Variants in RGS6 observed in about 807,000 individuals in gnomAD.
RGS6 encodes the protein regulator of G-protein signaling 6.
In RGS6, 30 loss-of-function variants were observed where a neutral mutation model predicts 78.5. That is an observed-to-expected ratio of 0.38 (90% confidence interval 0.29 to 0.52). RGS6 has a LOEUF of 0.52. Ranked by LOEUF, RGS6 falls within the 20% of genes least tolerant of loss-of-function variation. The pLI, the probability that RGS6 is intolerant of heterozygous loss-of-function variation, is 0.85. For synonymous variants in RGS6, 206 were observed against 206.0 expected (o/e 1.00, Z 0.00); for missense variants, 495 against 609.7 (o/e 0.81, Z 1.98).
At chr14:72,498,931 G>C (rs777326627) in intron 13 of RGS6, among the ~76,000 whole-genome samples, 37 of 152,214 alleles carry the variant, frequency 2.4e-4, no homozygotes, top group Middle Eastern at 3.4e-3. Context: ...TTCCCCTCTG[G>C]GTCCCGGGTA....
At chr14:72,442,027 A>ATGTTT (rs1342846958) in intron 3 of RGS6, among the ~76,000 whole-genome samples, 1 of 152,164 alleles carries the variant, frequency 6.6e-6, no homozygotes, top group African/African-American at 2.4e-5. Context: ...ATGGAGGGAA[A>ATGTTT]TGTTTGCATC....
At chr14:72,359,358 A>G (rs1426950646) in intron 3 of RGS6, among the ~76,000 whole-genome samples, 4 of 152,018 alleles carry the variant, frequency 2.6e-5, no homozygotes, top group African/African-American at 9.7e-5. Flanking sequence ...AATGAGGAAT[A>G]CTATAATAGG....
At chr14:72,550,707 G>GT in intron 17 of RGS6, 6 of 1,374,250 alleles carry the variant, frequency 4.4e-6, no homozygotes, top group Non-Finnish European at 5.8e-6. Context: ...CAATCCGGTG[G>GT]TTTTACACCT....
intron 3 of RGS6, among the ~76,000 whole-genome samples, chr14:72,369,064 A>C (rs764751177): frequency 8.6e-5 from 13 of 151,636 alleles, no homozygotes; most frequent in South Asian, 2.1e-4. Flanking sequence ...CACACACACA[A>C]AAATCTCATA....
chr14:72,111,356 T>G (rs1453364869), intron 2 of RGS6, among the ~76,000 whole-genome samples: 1 of 152,080 alleles, frequency 6.6e-6, no homozygotes, highest in Non-Finnish European at 1.5e-5. Flanking sequence ...AGAAACAAAT[T>G]TAACTGGTGA....
chr14:72,006,859 G>A (rs1012820805), intron 2 of RGS6, among the ~76,000 whole-genome samples: 10 of 152,228 alleles, frequency 6.6e-5, no homozygotes, highest in Non-Finnish European at 1.0e-4. Context: ...GCAGCGGGCT[G>A]TGGAAAAGCT....
the RGS6 span, among the ~76,000 whole-genome samples, chr14:71,886,718 T>C: frequency 1.3e-5 from 2 of 152,238 alleles, no homozygotes; most frequent in Non-Finnish European, 2.9e-5. Context: ...AATTTAGGTA[T>C]AACTTGAAGG....
chr14:72,054,242 T>G (rs2093492835), intron 2 of RGS6, among the ~76,000 whole-genome samples: 1 of 147,648 alleles, frequency 6.8e-6, no homozygotes, highest in Non-Finnish European at 1.5e-5. Flanking sequence ...CATTGGATTT[T>G]GGGGGCTATT....
chr14:72,403,006 G>C (rs1053504807), intron 3 of RGS6, among the ~76,000 whole-genome samples: 3 of 151,822 alleles, frequency 2.0e-5, no homozygotes, highest in African/African-American at 7.3e-5. Context: ...AGCCAGGCTG[G>C]TCTTGAACCC....
chr14:72,416,309 G>A (rs945640806), intron 3 of RGS6, among the ~76,000 whole-genome samples: 6 of 152,098 alleles, frequency 3.9e-5, no homozygotes, highest in Non-Finnish European at 7.3e-5. Context: ...TATCCCTCAT[G>A]GACCTTGAGC....
intron 15 of RGS6, among the ~76,000 whole-genome samples, chr14:72,521,878 A>G (rs2097047970): frequency 6.6e-6 from 1 of 152,236 alleles, no homozygotes; most frequent in Non-Finnish European, 1.5e-5. Flanking sequence ...GCCCACAATA[A>G]GACAGAGTAA....
intron 3 of RGS6, among the ~76,000 whole-genome samples, chr14:72,375,709 G>C (rs902890868): frequency 3.9e-5 from 6 of 152,172 alleles, no homozygotes; most frequent in Non-Finnish European, 8.8e-5. Context: ...ACCGCTACCA[G>C]CACAAACTGT....
At chr14:72,293,723 T>C (rs2064115168) in intron 2 of RGS6, among the ~76,000 whole-genome samples, 1 of 152,192 alleles carries the variant, frequency 6.6e-6, no homozygotes, top group African/African-American at 2.4e-5. Context: ...TTTCATTATT[T>C]TGGAGTATGG....
chr14:72,332,718 G>C (rs1167254796), intron 2 of RGS6, among the ~76,000 whole-genome samples: 3 of 152,196 alleles, frequency 2.0e-5, no homozygotes, highest in Non-Finnish European at 4.4e-5. Flanking sequence ...TTTCAGGTGA[G>C]CTTCCTTTCT....
intron 2 of RGS6, among the ~76,000 whole-genome samples, chr14:72,336,135 G>C (rs1297422671): frequency 6.6e-6 from 1 of 152,074 alleles, no homozygotes; most frequent in Non-Finnish European, 1.5e-5. Context: ...TTCTATTTGG[G>C]CTACTGAGTC....
intron 1 of RGS6, among the ~76,000 whole-genome samples, chr14:71,940,034 C>T (rs537164370): frequency 1.9e-3 from 291 of 152,308 alleles, no homozygotes; most frequent in African/African-American, 6.8e-3. Context: ...GAAATGACCA[C>T]AGGATAAGTC....
chr14:72,475,799 T>G (rs1481447263), intron 10 of RGS6, among the ~76,000 whole-genome samples: 3 of 137,572 alleles, frequency 2.2e-5, no homozygotes, highest in African/African-American at 8.3e-5. Flanking sequence ...CAATTAGCTC[T>G]CTCTCATGTA....
chr14:72,128,593 A>G (rs940442259), intron 2 of RGS6, among the ~76,000 whole-genome samples: 2 of 152,062 alleles, frequency 1.3e-5, no homozygotes, highest in Admixed American at 1.3e-4. Context: ...TTTTTAAAAC[A>G]TTATATACCC....
intron 2 of RGS6, among the ~76,000 whole-genome samples, chr14:72,012,726 G>C (rs982546259): frequency 8.5e-5 from 13 of 152,136 alleles, no homozygotes; most frequent in African/African-American, 3.1e-4. Context: ...TAATGGTGAA[G>C]AACTCAGGAC....
Sources: allele counts gnomAD v4.1 joint callset (sites outside exome capture counted in the v4.1 genomes callset), GRCh38; gene constraint gnomAD v4.1.1; transcripts MANE v1.5; gene names NCBI Gene and HGNC (gene_info 2026-07-23, HGNC 2026-07-21).